The following CNTNAP2 variants were observed in gnomAD, a reference collection of about 807,000 sequenced individuals.
CNTNAP2 encodes the protein contactin associated protein 2.
In CNTNAP2, 98 loss-of-function variants were observed where a neutral mutation model predicts 155.2. That is an observed-to-expected ratio of 0.63 (90% confidence interval 0.54 to 0.75). The LOEUF (loss-of-function observed/expected upper bound fraction) is 0.75, where lower values mean the gene tolerates loss of function less well. CNTNAP2 is among the 30% of genes least tolerant of loss of function. The pLI is 0.00. For synonymous variants in CNTNAP2, 651 were observed against 631.2 expected, an observed-to-expected ratio of 1.03 and a Z score of -0.47; for missense variants, 1,727 against 1,688.1, an observed-to-expected ratio of 1.02 and a Z score of -0.40.
chr7:148,395,340 C>G (rs1403199839), intron 22 of CNTNAP2, among the ~76,000 whole-genome samples: 1 of 151,788 alleles, frequency 6.6e-6, no homozygotes, highest in African/African-American at 2.4e-5. Context: ...AGAATGTGAA[C>G]CGAAGTCAAC....
chr7:147,947,991 A>C (rs928078005), intron 14 of CNTNAP2, among the ~76,000 whole-genome samples: 1 of 152,216 alleles, frequency 6.6e-6, no homozygotes, highest in Admixed American at 6.5e-5. Context: ...AACCAAGTTA[A>C]ATTCCATTTC....
intron 13 of CNTNAP2, among the ~76,000 whole-genome samples, chr7:147,663,809 A>G (rs1245044010): frequency 6.6e-6 from 1 of 152,244 alleles, no homozygotes; most frequent in African/African-American, 2.4e-5. Flanking sequence ...GTAGTCCAGC[A>G]AATTAATATA....
At chr7:146,783,517 A>C (rs1410217452) in intron 2 of CNTNAP2, among the ~76,000 whole-genome samples, 1 of 152,194 alleles carries the variant, frequency 6.6e-6, no homozygotes, top group Non-Finnish European at 1.5e-5. Context: ...TATCATTGAC[A>C]CTTGTTATAA....
chr7:146,781,097 T>G (rs1054305283), intron 2 of CNTNAP2, among the ~76,000 whole-genome samples: 4 of 151,698 alleles, frequency 2.6e-5, no homozygotes, highest in Non-Finnish European at 5.9e-5. Context: ...GCGTGGTGGC[T>G]GGCGCCTGTA....
intron 1 of CNTNAP2, among the ~76,000 whole-genome samples, chr7:146,773,326 T>C (rs951200476): frequency 1.3e-5 from 2 of 152,220 alleles, no homozygotes; most frequent in African/African-American, 4.8e-5. Flanking sequence ...TGGGAACTGA[T>C]TAATTTTTCT....
intron 17 of CNTNAP2, 33 bp from the exon 18 acceptor site, chr7:148,172,209 C>G (rs1181545298): frequency 1.9e-6 from 3 of 1,579,668 alleles, no homozygotes; most frequent in African/African-American, 1.3e-5. Flanking sequence ...AGAGGTTATT[C>G]CCTCTGAACT....
chr7:147,975,474 C>A (rs939761016), intron 14 of CNTNAP2, among the ~76,000 whole-genome samples: 1 of 151,900 alleles, frequency 6.6e-6, no homozygotes, highest in Non-Finnish European at 1.5e-5. Flanking sequence ...CATAGAGATT[C>A]CACCATTTAA....
chr7:147,746,033 G>A (rs1011284872), intron 13 of CNTNAP2, among the ~76,000 whole-genome samples: 1 of 152,104 alleles, frequency 6.6e-6, no homozygotes, highest in Non-Finnish European at 1.5e-5. Context: ...CATTCTCTGG[G>A]GAAACAGAAT....
intron 3 of CNTNAP2, among the ~76,000 whole-genome samples, chr7:146,903,698 C>G (rs139508453): frequency 1.2e-3 from 176 of 152,168 alleles, no homozygotes; most frequent in African/African-American, 3.3e-3. Context: ...AGGTGGTCAC[C>G]AGAGGCCTGC....
intron 3 of CNTNAP2, among the ~76,000 whole-genome samples, chr7:146,953,804 C>A (rs1797373444): frequency 6.6e-6 from 1 of 151,734 alleles, no homozygotes; most frequent in Admixed American, 6.6e-5. Flanking sequence ...TCATATAACA[C>A]AAACTTGTCA....
chr7:148,263,815 A>G (rs17170930), intron 20 of CNTNAP2, among the ~76,000 whole-genome samples: 12,934 of 152,098 alleles, frequency 0.085, 910 homozygotes, highest in African/African-American at 0.19. Flanking sequence ...GCCATCAACC[A>G]CGCAGACATA....
intron 1 of CNTNAP2, among the ~76,000 whole-genome samples, chr7:146,658,855 A>T (rs897943612): frequency 2.0e-5 from 3 of 152,176 alleles, no homozygotes; most frequent in African/African-American, 7.2e-5. Context: ...TTACAGGTGG[A>T]GAGAAATGTG....
chr7:148,074,317 T>C (rs1803437213), intron 15 of CNTNAP2, among the ~76,000 whole-genome samples: 1 of 152,198 alleles, frequency 6.6e-6, no homozygotes, highest in Non-Finnish European at 1.5e-5. Flanking sequence ...AAGATTAATA[T>C]TCGATGAAAG....
At chr7:147,486,142 C>A in intron 11 of CNTNAP2, 101 bp downstream of exon 11, 1 of 879,680 alleles carries the variant, frequency 1.1e-6, no homozygotes, top group Non-Finnish European at 1.8e-6. Context: ...CCACATAATA[C>A]ATCACTCGAA....
intron 12 of CNTNAP2, among the ~76,000 whole-genome samples, chr7:147,585,533 CTATA>C (rs1447209491): frequency 1.3e-5 from 2 of 150,168 alleles, no homozygotes; most frequent in African/African-American, 2.4e-5. Context: ...ATATATAGAT[CTATA>C]TATATGATAT....
chr7:147,190,786 A>G (rs1438225830), intron 8 of CNTNAP2, among the ~76,000 whole-genome samples: 1 of 152,216 alleles, frequency 6.6e-6, no homozygotes, highest in Non-Finnish European at 1.5e-5. Flanking sequence ...AAACTATGTC[A>G]CCGTTAGCCA....
chr7:146,742,396 C>T lies in CNTNAP2; in HGVS notation c.98-31875C>T, dbSNP rs184176414. Reference sequence around the variant, plus strand: ...TCACGGAAGAATAGGCAAGATTAATCGGATCATAAGGATCATATAGAAAAC... The same window carrying T: ...TCACGGAAGAATAGGCAAGATTAATTGGATCATAAGGATCATATAGAAAAC... On this transcript the variant is annotated intron_variant, in intron 1 of 23. Coordinates refer to ENST00000361727, the MANE Select transcript of CNTNAP2 (RefSeq NM_014141.6). 3.9e-4 allele frequency among the ~76,000 whole-genome samples: 59 copies of T among 152,142 alleles called. No homozygotes were observed. In the South Asian group the frequency reaches 4.1e-3, roughly 11 times the overall value.
intron 11 of CNTNAP2, among the ~76,000 whole-genome samples, chr7:147,509,211 A>G (rs2116685624): frequency 6.6e-6 from 1 of 152,272 alleles, no homozygotes; most frequent in South Asian, 2.1e-4. Flanking sequence ...ATCATCCCAA[A>G]TCTGATTTAG....
At chr7:146,464,546 T>C (rs531100087) in intron 1 of CNTNAP2, among the ~76,000 whole-genome samples, 160 of 152,218 alleles carry the variant, frequency 1.1e-3, no homozygotes, top group Non-Finnish European at 1.7e-3. Flanking sequence ...CTTTTTGAAG[T>C]AGTAAGTCTG....
Sources: allele counts gnomAD v4.1 joint callset (sites outside exome capture counted in the v4.1 genomes callset), GRCh38; gene constraint gnomAD v4.1.1; transcripts MANE v1.5; gene names NCBI Gene and HGNC (gene_info 2026-07-23, HGNC 2026-07-21).